PBLD: variants seen among roughly 807,000 people sequenced by gnomAD.
PBLD encodes phenazine biosynthesis-like domain-containing protein.
A neutral mutation model predicts 31.3 loss-of-function variants in PBLD; 26 were observed. The observed-to-expected ratio is 0.83, with a 90% CI of 0.61 to 1.15. PBLD has a LOEUF of 1.15. Ranked by LOEUF, PBLD falls within the 50% of genes most tolerant of loss-of-function variation. The pLI is 0.00. For missense variants in PBLD, 307 were observed against 351.7 expected (o/e 0.87, Z 1.02); for synonymous variants, 114 against 129.0 (o/e 0.88, Z 0.79).
At position 68,293,674 on chromosome 10, in the gene PBLD, C is replaced by T. The variant is rs377603126; in HGVS notation, c.284-1436G>A. Among the ~76,000 whole-genome samples, 23 of 152,230 alleles carry T rather than the reference C, an allele frequency of 1.5e-4. 2 individuals carry two copies. Among genetic ancestry groups the T allele is most frequent in the Admixed American group, 1.2e-3 (19 of 15,286 alleles). ...TTTCCAGGATGTTATTATTCCAAAC[C>T]TCAGCATCAAACCAACCCACGTGGA... On this transcript the variant is annotated intron_variant, in intron 4 of 9. Transcript: ENST00000358769.
At position 68,308,866 on chromosome 10, in the gene PBLD, G is replaced by GTGTA. The variant is rs879731578; in HGVS notation, c.-59-1964_-59-1963insTACA. On this transcript the variant is annotated intron_variant, in intron 1 of 9. Transcript: ENST00000358769. ...GCATGGTGTGTGTGTGTGTGTGTGT[G>GTGTA]TGTGTGTGTGTGTGTTTGTGTGTGT... Among the ~76,000 whole-genome samples, 65 of 149,428 alleles carry GTGTA rather than the reference G, an allele frequency of 4.3e-4. 9 individuals are homozygous for GTGTA. In the East Asian group the frequency reaches 8.8e-3, roughly 20 times the overall value.
At chr10:68,288,360 T>C (rs1780345858) in intron 8 of PBLD, 123 bp downstream of exon 8, 1 of 1,033,228 alleles carries the variant, frequency 9.7e-7, no homozygotes, top group Non-Finnish European at 1.4e-6. Flanking sequence ...TGGGGAAAGA[T>C]AGAGGAACAA....
intron 1 of PBLD, among the ~76,000 whole-genome samples, 179 bp downstream of exon 1, chr10:68,332,605 G>A (rs1006710972): frequency 3.9e-5 from 6 of 152,202 alleles, no homozygotes; most frequent in African/African-American, 1.2e-4. Flanking sequence ...GGCCAGGGGA[G>A]GGGGTGGTCA....
intron 1 of PBLD, among the ~76,000 whole-genome samples, chr10:68,321,614 C>T (rs1178361932): frequency 6.6e-6 from 1 of 152,132 alleles, no homozygotes; most frequent in East Asian, 1.9e-4. Flanking sequence ...GTAAAAAGAC[C>T]TGGAGCTTCC....
intron 1 of PBLD, among the ~76,000 whole-genome samples, chr10:68,329,644 A>C (rs2044980404): frequency 6.6e-6 from 1 of 152,120 alleles, no homozygotes; most frequent in African/African-American, 2.4e-5. Flanking sequence ...TGGGACTCAC[A>C]GTGTCTTGGG....
chr10:68,286,139 G>C (rs2044285555), intron 8 of PBLD, among the ~76,000 whole-genome samples: 1 of 135,872 alleles, frequency 7.4e-6, no homozygotes, highest in Admixed American at 8.6e-5. Flanking sequence ...CCAGGCTGGA[G>C]TGCAGTGGCA....
intron 1 of PBLD, among the ~76,000 whole-genome samples, chr10:68,314,538 G>C (rs2044710896): frequency 6.6e-6 from 1 of 152,242 alleles, no homozygotes; most frequent in Non-Finnish European, 1.5e-5. Context: ...TGCATTCATA[G>C]AGAATTGTCA....
At chr10:68,332,308 G>C (rs911795843) in intron 1 of PBLD, 2 of 152,220 alleles carry the variant, frequency 1.3e-5, no homozygotes, top group Non-Finnish European at 2.9e-5. Flanking sequence ...GGGTTGGGGG[G>C]TAGTGGGGTG....
At chr10:68,309,600 G>A (rs1448229145) in intron 1 of PBLD, among the ~76,000 whole-genome samples, 3 of 149,460 alleles carry the variant, frequency 2.0e-5, no homozygotes, top group Non-Finnish European at 4.4e-5. Flanking sequence ...ACGAGGTCAG[G>A]AGATCGAGAC....
intron 1 of PBLD, among the ~76,000 whole-genome samples, chr10:68,313,038 C>T (rs940202372): frequency 6.6e-6 from 1 of 152,084 alleles, no homozygotes; most frequent in Non-Finnish European, 1.5e-5. Flanking sequence ...ACCTCAGCCT[C>T]CTGAGTAGCT....
chr10:68,329,784 T>C (rs2044984241), intron 1 of PBLD, among the ~76,000 whole-genome samples: 1 of 152,140 alleles, frequency 6.6e-6, no homozygotes, highest in Non-Finnish European at 1.5e-5. Context: ...ATAACCTCAA[T>C]TTTCCAAAAA....
At chr10:68,285,122 C>G (rs2044270034) in intron 9 of PBLD, 1 of 1,330,402 alleles carries the variant, frequency 7.5e-7, no homozygotes, top group African/African-American at 1.5e-5. Context: ...ACTTATTGGG[C>G]AGTTACTGTA....
rs558976810 is a variant in PBLD, at chr10:68,308,643, G to C, written c.-59-1740C>G. ...CACTCACTGCAACCTCTGCCTCCTG[G>C]GTTCAAGCGATTCTCATGCCTCAGC... is the stretch of plus-strand genomic sequence containing the variant. On this transcript the variant is annotated intron_variant, in intron 1 of 9. Coordinates refer to ENST00000358769, the MANE Select transcript of PBLD (RefSeq NM_022129.4). Among the ~76,000 whole-genome samples the C allele has an allele frequency of 1.9e-4, 28 of 150,362 alleles. 2 individuals carry two copies. The highest frequency in any genetic ancestry group is 3.4e-4 in the Admixed American group (5 of 14,858).
At position 68,283,194 on chromosome 10, in the gene PBLD, T is replaced by A. The variant is rs1381674134; in HGVS notation, c.*983A>T. The A allele has an allele frequency of 6.6e-6, 1 of 152,182 alleles. No individual in the cohort carries two copies. The highest frequency in any genetic ancestry group is 1.5e-5 in the Non-Finnish European group (1 of 68,030). 9.4% of individuals were successfully genotyped at this position (152,182 alleles called of 1,614,324 possible). ...CCGCCACGCCCAGCTGAGATTACAT[T>A]ACTTTGAGTGTTTAATTTCACTATG... On this transcript the variant is annotated 3_prime_UTR_variant, in exon 10 of 10. Coordinates refer to ENST00000358769, the MANE Select transcript of PBLD (RefSeq NM_022129.4).
At chr10:68,315,033 G>T (rs539062390) in intron 1 of PBLD, among the ~76,000 whole-genome samples, 8 of 152,078 alleles carry the variant, frequency 5.3e-5, no homozygotes, top group African/African-American at 1.7e-4. Context: ...CAGGTGATCT[G>T]CCCACCTCGG....
intron 8 of PBLD, 90 bp downstream of exon 8, chr10:68,288,393 C>G (rs1463768654): frequency 7.0e-7 from 1 of 1,428,148 alleles, no homozygotes; most frequent in Non-Finnish European, 9.5e-7. Context: ...CTCAAGCCAC[C>G]TGAAAGGTCA....
intron 8 of PBLD, among the ~76,000 whole-genome samples, chr10:68,285,837 T>C (rs904517555): frequency 6.6e-6 from 1 of 151,960 alleles, no homozygotes; most frequent in Non-Finnish European, 1.5e-5. Context: ...CATGTCACCA[T>C]GCCTGGCTAA....
At chr10:68,301,971 A>G (rs1024978310) in intron 2 of PBLD, among the ~76,000 whole-genome samples, 65 of 152,328 alleles carry the variant, frequency 4.3e-4, no homozygotes, top group African/African-American at 1.5e-3. Context: ...GTAGCAGCCC[A>G]CAACATGTAC....
At chr10:68,302,279 G>A (rs530823664) in intron 2 of PBLD, among the ~76,000 whole-genome samples, 145 of 152,256 alleles carry the variant, frequency 9.5e-4, no homozygotes, top group Non-Finnish European at 1.7e-3. Context: ...AGTGATGTTT[G>A]CCTTTCTGAA....
Sources: gnomAD v4.1 joint callset for allele counts (sites outside exome capture counted in the v4.1 genomes callset) on GRCh38, gnomAD v4.1.1 for gene constraint, MANE v1.5 for transcripts, NCBI Gene and HGNC (gene_info 2026-07-23, HGNC 2026-07-21) for gene names.